AKNA: variants seen among roughly 807,000 people sequenced by gnomAD.
The protein encoded by AKNA is AT-hook transcription factor.
In AKNA, 67 loss-of-function variants were observed where a neutral mutation model predicts 138.8. The ratio of observed to expected loss-of-function variants is 0.48; its 90% CI spans 0.40 to 0.59. The LOEUF (loss-of-function observed/expected upper bound fraction) is 0.59, where lower values mean the gene tolerates loss of function less well. AKNA is among the 20% of genes least tolerant of loss of function. The pLI is 0.00. For missense variants in AKNA, 1,813 were observed against 1,880.4 expected (o/e 0.96, Z 0.66); for synonymous variants, 737 against 754.4 (o/e 0.98, Z 0.38).
intron 1 of AKNA, among the ~76,000 whole-genome samples, chr9:114,385,857 GC>G (rs1833994869): frequency 6.6e-6 from 1 of 152,246 alleles, no homozygotes; most frequent in African/African-American, 2.4e-5. Flanking sequence ...CTGGGACGAT[GC>G]TGTGATAGAG....
intron 19 of AKNA, 78 bp from the exon 20 acceptor site, chr9:114,342,203 C>A (rs1830404324): frequency 9.4e-7 from 1 of 1,065,286 alleles, no homozygotes; most frequent in Non-Finnish European, 1.3e-6. Flanking sequence ...AGGCCTTCTG[C>A]AGCACTGAGC....
In AKNA at chr9:114,360,563, C is replaced by T. The variant is rs1831873277; in HGVS notation, c.2125-501G>A. On this transcript the variant is annotated intron_variant, in intron 9 of 21. Coordinates refer to ENST00000374088, the MANE Select transcript of AKNA (RefSeq NM_001317950.2). Reference sequence around the variant, plus strand: ...TTCTCCCCATTCAAGTGTGTAGTGGCACCTGGTAGAGTTTTCCTACCCTCT... The same window carrying T: ...TTCTCCCCATTCAAGTGTGTAGTGGTACCTGGTAGAGTTTTCCTACCCTCT... Among the ~76,000 whole-genome samples, 3 of 152,176 alleles carry T rather than the reference C, an allele frequency of 2.0e-5. No homozygotes were observed. In the South Asian group the frequency reaches 6.2e-4, roughly 31 times the overall value.
intron 6 of AKNA, among the ~76,000 whole-genome samples, chr9:114,366,365 G>T (rs1056885387): frequency 6.6e-6 from 1 of 152,016 alleles, no homozygotes; most frequent in Admixed American, 6.6e-5. Flanking sequence ...CATGGTAAGT[G>T]ACAGATGTCA....
intron 11 of AKNA, chr9:114,359,254 A>G (rs1367850854): frequency 3.1e-6 from 1 of 326,754 alleles, no homozygotes; most frequent in Non-Finnish European, 5.7e-6. Flanking sequence ...TTTCTTGTTG[A>G]GATGGGGCTT....
chr9:114,336,658 C>A lies in AKNA; in HGVS notation c.*396G>T. The A allele has an allele frequency of 5.5e-6, 1 of 182,076 alleles. No homozygotes were observed. The allele number at this position is 182,076 out of a possible 1,614,324, so 11.3% of individuals were successfully genotyped here. A position where few individuals can be genotyped will look rare whatever the true frequency, so the allele number is the denominator to read the frequency against. ...TCCAGAAACCGTAGGCCTTTCTTGT[C>A]TGGCCCCCTAAAGAGGACCCAAGAT... On this transcript the variant is annotated 3_prime_UTR_variant, in exon 22 of 22. Coordinates refer to ENST00000374088, the MANE Select transcript of AKNA (RefSeq NM_001317950.2).
In AKNA at chr9:114,341,683, G is replaced by C. The variant is rs1463425638; in HGVS notation, c.3917C>G (p.Pro1306Arg). The C allele has an allele frequency of 5.0e-6, 8 of 1,600,556 alleles. No homozygotes were observed. The highest frequency in any genetic ancestry group is 6.8e-6 in the Non-Finnish European group (8 of 1,174,542). The change falls in exon 21 of 22, where the codon CCC becomes CGC. Residue 1306 changes from proline (P) to arginine (R), a missense_variant. By Grantham distance (103) the Pro-to-Arg change is moderately radical. Coordinates refer to ENST00000374088, the MANE Select transcript of AKNA (RefSeq NM_001317950.2). Reference sequence around the variant, plus strand: ...CTGCTTGCTCCTCTGCTTGGGGCTGGGAGTTGAAGATGCTTTTCTCCTCGT... The same window carrying C: ...CTGCTTGCTCCTCTGCTTGGGGCTGCGAGTTGAAGATGCTTTTCTCCTCGT... ...ATTRRKASST[P>R]SPKQRSKQAG...
chr9:114,366,234 T>G (rs981635974), intron 6 of AKNA, among the ~76,000 whole-genome samples: 1 of 148,902 alleles, frequency 6.7e-6, no homozygotes, highest in Non-Finnish European at 1.5e-5. Context: ...GAGCCAAGAC[T>G]GCACCACTGC....
upstream of AKNA, among the ~76,000 whole-genome samples, chr9:114,397,350 C>A (rs1399707317): frequency 2.0e-5 from 3 of 152,186 alleles, no homozygotes; most frequent in African/African-American, 7.2e-5. Context: ...CTGGAAAAGT[C>A]GTTTGGGAAG....
upstream of AKNA, among the ~76,000 whole-genome samples, chr9:114,392,423 G>A (rs1287804221): frequency 6.6e-6 from 1 of 152,262 alleles, no homozygotes; most frequent in Non-Finnish European, 1.5e-5. Context: ...CATGGGCTTT[G>A]TGGGCAAACA....
chr9:114,385,037 C>T (rs1833934827), intron 1 of AKNA, among the ~76,000 whole-genome samples: 1 of 151,814 alleles, frequency 6.6e-6, no homozygotes, highest in African/African-American at 2.4e-5. Context: ...TTTTTTTTGT[C>T]GAGATGGGGT....
intron 2 of AKNA, 98 bp downstream of exon 2, chr9:114,380,962 A>C: frequency 1.5e-6 from 2 of 1,344,152 alleles, no homozygotes; most frequent in Non-Finnish European, 1.9e-6. Context: ...CAGCCTGGCA[A>C]TGAAGCAAGA....
chr9:114,356,063 C>G lies in AKNA; in HGVS notation c.2920G>C (p.Gly974Arg). 6.2e-7 allele frequency: 1 copy of G among 1,614,162 alleles called. No homozygotes were observed. Among genetic ancestry groups the G allele is most frequent in the Non-Finnish European group, 8.5e-7 (1 of 1,180,032 alleles). ...GTGGCTCTTCTGGGAATCAGAGAACCCCTGGCCTTGGGGTAGGAAGCTCCA... is the reference window on the plus strand; with the variant it reads ...GTGGCTCTTCTGGGAATCAGAGAACGCCTGGCCTTGGGGTAGGAAGCTCCA... The part of the protein sequence containing the change: ...RDGASYPKAR[G>R]SLIPRRATEP... The change falls in exon 14 of 22, where the codon GGT (glycine) becomes CGT (arginine). Residue 974 changes from glycine to arginine, a missense_variant. By Grantham distance (125) the Gly-to-Arg change is moderately radical (BLOSUM62 -2). Coordinates refer to ENST00000374088, the MANE Select transcript of AKNA (RefSeq NM_001317950.2).
upstream of AKNA, chr9:114,388,044 G>A (rs983763971): frequency 3.8e-6 from 1 of 265,384 alleles, no homozygotes; most frequent in Admixed American, 4.2e-5. Flanking sequence ...CCCCTGCCGT[G>A]GTTGAGGCCG....
downstream of AKNA, among the ~76,000 whole-genome samples, chr9:114,333,719 C>T (rs1829900281): frequency 7.3e-6 from 1 of 137,694 alleles, no homozygotes; most frequent in African/African-American, 2.8e-5. Context: ...TGTAATAAAA[C>T]TTCAACTAGT....
rs1429353693 is a variant in AKNA, at chr9:114,355,949, C to T, written c.3034G>A (p.Glu1012Lys). ...CCCATCTCGGCTGCCAGTGTCCGCT[C>T]CAGGCTGAAGTTGGGTGCCCTCTGC... is the stretch of plus-strand genomic sequence containing the variant. The part of the protein sequence containing the change: ...LRQRAPNFSL[E>K]RTLAAEMAVP... Residue 1012 changes from glutamate to lysine, a missense_variant, in exon 14 of 22, where the codon GAG becomes AAG. Coordinates refer to ENST00000374088, the MANE Select transcript of AKNA (RefSeq NM_001317950.2). The T allele has an allele frequency of 1.9e-6, 3 of 1,614,118 alleles. No homozygotes were observed. The South Asian group carries it at 3.3e-5, about 18-fold the overall frequency.
chr9:114,392,651 G>A (rs990324794), upstream of AKNA, among the ~76,000 whole-genome samples: 3 of 152,206 alleles, frequency 2.0e-5, no homozygotes, highest in Admixed American at 6.5e-5. Flanking sequence ...TCCGTGAAAC[G>A]CCCTACAACC....
intron 6 of AKNA, 90 bp from the exon 7 acceptor site, chr9:114,364,709 G>A (rs1832216441): frequency 7.3e-7 from 1 of 1,364,604 alleles, no homozygotes. Context: ...GGTAAGAGGA[G>A]CTGGGTCCGT....
At chr9:114,340,880 G>A (rs540161990) in intron 21 of AKNA, among the ~76,000 whole-genome samples, 26 of 152,328 alleles carry the variant, frequency 1.7e-4, no homozygotes, top group African/African-American at 6.3e-4. Context: ...TCACAGCCGA[G>A]GGGGCGTAAG....
At chr9:114,366,874 A>T (rs1410878751) in intron 6 of AKNA, among the ~76,000 whole-genome samples, 1 of 152,168 alleles carries the variant, frequency 6.6e-6, no homozygotes, top group African/African-American at 2.4e-5. Flanking sequence ...TCAAAGCTAA[A>T]TGTGTGACTC....
Sources: allele counts gnomAD v4.1 joint callset (sites outside exome capture counted in the v4.1 genomes callset), GRCh38; gene constraint gnomAD v4.1.1; transcripts MANE v1.5; gene names NCBI Gene and HGNC (gene_info 2026-07-23, HGNC 2026-07-21).